The following VPS54 variants were observed in gnomAD, a reference collection of about 807,000 sequenced individuals.
The protein encoded by VPS54 is VPS54 subunit of GARP complex, also known as vacuolar protein sorting-associated protein 54.
VPS54 carries 45 observed loss-of-function variants against 121.5 expected under a neutral mutation model. The ratio of observed to expected loss-of-function variants is 0.37; its 90% CI spans 0.29 to 0.47. The LOEUF is 0.47. Among genes scored for constraint, VPS54 ranks in the 20% least tolerant of loss-of-function variants. The pLI, the probability that VPS54 is intolerant of heterozygous loss-of-function variation, is 0.99. For missense variants in VPS54, 1,090 were observed against 1,131.4 expected (o/e 0.96, Z 0.52); for synonymous variants, 371 against 385.8 (o/e 0.96, Z 0.45).
At chr2:63,921,380 T>G in intron 12 of VPS54, 45 bp from the exon 13 acceptor site, 2 of 1,602,218 alleles carry the variant, frequency 1.2e-6, no homozygotes, top group African/African-American at 2.7e-5. Flanking sequence ...GTTGTAAACA[T>G]AGTATTCTCC....
chr2:63,954,036 T>C (rs1575952483), intron 7 of VPS54, among the ~76,000 whole-genome samples: 1 of 152,192 alleles, frequency 6.6e-6, no homozygotes, highest in East Asian at 1.9e-4. Flanking sequence ...TTCCCAGTTC[T>C]GTCCACTACA....
intron 5 of VPS54, among the ~76,000 whole-genome samples, chr2:63,967,716 C>A (rs1277662044): frequency 6.4e-5 from 1 of 15,684 alleles, no homozygotes; most frequent in Non-Finnish European, 2.2e-4. Context: ...GAGACTCTGC[C>A]TCAAAAAAAA....
At chr2:63,976,042 A>G (rs1676512049) in intron 3 of VPS54, among the ~76,000 whole-genome samples, 1 of 152,162 alleles carries the variant, frequency 6.6e-6, no homozygotes, top group Non-Finnish European at 1.5e-5. Flanking sequence ...TTCTTTATCA[A>G]GTTAAGGAAA....
At chr2:63,999,161 G>T (rs1369628289) in intron 1 of VPS54, among the ~76,000 whole-genome samples, 2 of 152,052 alleles carry the variant, frequency 1.3e-5, no homozygotes, top group Non-Finnish European at 2.9e-5. Context: ...TGTTAGCCAG[G>T]CTAGTCTTCA....
At chr2:63,986,959 T>A (rs1349646742) in intron 1 of VPS54, among the ~76,000 whole-genome samples, 2 of 152,214 alleles carry the variant, frequency 1.3e-5, no homozygotes, top group Admixed American at 6.5e-5. Context: ...CCCTATATAT[T>A]CTTGTTATTA....
chr2:63,956,067 G>C (rs1456639576), intron 7 of VPS54, among the ~76,000 whole-genome samples: 1 of 152,020 alleles, frequency 6.6e-6, no homozygotes, highest in East Asian at 1.9e-4. Context: ...CTTCTACTAA[G>C]CTGTATGTTC....
chr2:63,943,731 T>C (rs201834445), intron 10 of VPS54, among the ~76,000 whole-genome samples: 4 of 23,614 alleles, frequency 1.7e-4, no homozygotes, highest in Non-Finnish European at 4.1e-4. Flanking sequence ...TTCTTTCTTT[T>C]TTTTTTTTTT....
intron 12 of VPS54, among the ~76,000 whole-genome samples, chr2:63,929,037 C>T (rs1028631698): frequency 6.6e-6 from 1 of 152,094 alleles, no homozygotes; most frequent in Non-Finnish European, 1.5e-5. Context: ...TAGAGACCTA[C>T]AAAGAGACTT....
At chr2:63,916,827 A>T in intron 16 of VPS54, 73 bp downstream of exon 16, 1 of 1,444,746 alleles carries the variant, frequency 6.9e-7, no homozygotes, top group Non-Finnish European at 9.7e-7. Context: ...TTTCCAATTC[A>T]CTTCAAGGGA....
At chr2:63,979,523 G>A (rs1047926588) in intron 3 of VPS54, among the ~76,000 whole-genome samples, 4 of 152,176 alleles carry the variant, frequency 2.6e-5, no homozygotes. Flanking sequence ...TTACAGGCAT[G>A]AGCCACTGCA....
intron 1 of VPS54, among the ~76,000 whole-genome samples, chr2:64,008,648 C>T (rs182752358): frequency 6.6e-6 from 1 of 152,174 alleles, no homozygotes; most frequent in East Asian, 1.9e-4. Flanking sequence ...TGCCTCACAC[C>T]CTACTCCTGT....
At chr2:63,968,033 C>T (rs1183851818) in intron 5 of VPS54, among the ~76,000 whole-genome samples, 2 of 152,058 alleles carry the variant, frequency 1.3e-5, no homozygotes, top group Non-Finnish European at 2.9e-5. Context: ...GAACATTGAG[C>T]CTTAAATGAC....
chr2:63,934,283 A>G (rs1294504677), intron 11 of VPS54, among the ~76,000 whole-genome samples: 2 of 152,188 alleles, frequency 1.3e-5, no homozygotes, highest in East Asian at 1.9e-4. Context: ...AATATGTTGC[A>G]TATTTCTCTG....
chr2:63,916,389 T>C (rs1189166181), intron 16 of VPS54, among the ~76,000 whole-genome samples: 2 of 152,210 alleles, frequency 1.3e-5, no homozygotes, highest in Non-Finnish European at 2.9e-5. Context: ...AATCAAATGA[T>C]GCCAATGAGA....
At chr2:63,966,078 G>A (rs1675981073) in intron 5 of VPS54, 112 bp from the exon 6 acceptor site, 3 of 1,048,990 alleles carry the variant, frequency 2.9e-6, no homozygotes, top group East Asian at 2.6e-5. Context: ...AGTATGAATA[G>A]CAAAAGCAAG....
In VPS54 at chr2:63,944,589, T is replaced by A; in HGVS notation, c.1301+11A>T. The A allele has an allele frequency of 6.2e-7, 1 of 1,603,674 alleles. No individual in the cohort carries two copies. The highest frequency in any genetic ancestry group is 8.5e-7 in the Non-Finnish European group (1 of 1,172,550). On this transcript the variant is annotated intron_variant, in intron 10 of 22. Transcript: ENST00000272322. ...TGACTGATAACCACCAACCTATATA[T>A]TTATACTTACTTCACAACAACATCT...
At chr2:63,978,373 G>A (rs1676644557) in intron 3 of VPS54, among the ~76,000 whole-genome samples, 1 of 152,154 alleles carries the variant, frequency 6.6e-6, no homozygotes, top group African/African-American at 2.4e-5. Flanking sequence ...TATTTAAGGA[G>A]GTACCCACTC....
intron 1 of VPS54, among the ~76,000 whole-genome samples, chr2:64,016,695 A>T (rs949955454): frequency 2.0e-5 from 3 of 149,064 alleles, no homozygotes; most frequent in Non-Finnish European, 1.5e-5. Context: ...TGCAACCTCC[A>T]CCTCCCAGGT....
At chr2:63,938,929 AAAGG>A (rs1006121313) in intron 11 of VPS54, among the ~76,000 whole-genome samples, 47 of 152,306 alleles carry the variant, frequency 3.1e-4, no homozygotes, top group African/African-American at 7.2e-4. Context: ...CCATGACCAA[AAAGG>A]AAGAAAAAAT....
Sources: allele counts gnomAD v4.1 joint callset (sites outside exome capture counted in the v4.1 genomes callset), GRCh38; gene constraint gnomAD v4.1.1; transcripts MANE v1.5; gene names NCBI Gene and HGNC (gene_info 2026-07-23, HGNC 2026-07-21).